Variants in ANO10 observed in about 807,000 individuals in gnomAD.
ANO10 encodes the protein anoctamin-10.
A neutral mutation model predicts 74.7 loss-of-function variants in ANO10; 77 were observed. The ratio of observed to expected loss-of-function variants is 1.03; its 90% CI spans 0.86 to 1.25. ANO10 has a LOEUF of 1.25. ANO10 is among the 50% of genes most tolerant of loss of function. ANO10 has a pLI of 0.00. For synonymous variants in ANO10, 279 were observed against 284.9 expected (o/e 0.98, Z 0.21); for missense variants, 721 against 778.1 (o/e 0.93, Z 0.87).
chr3:43,539,324 G>C lies in ANO10; in HGVS notation c.1797+10396C>G, dbSNP rs561127166. Among the ~76,000 whole-genome samples the C allele has an allele frequency of 1.9e-3, 286 of 151,984 alleles. 1 individual carries two copies. Among genetic ancestry groups the C allele is most frequent in the Non-Finnish European group, 3.6e-3 (245 of 67,974 alleles). On this transcript the variant is annotated intron_variant, in intron 11 of 12. Coordinates refer to ENST00000292246, the MANE Select transcript of ANO10 (RefSeq NM_018075.5). ...GCAAGTCTATTTTCAACTTTCTAAA[G>C]CAACACTTGCTTTCCAACCTAGAAA... is the stretch of plus-strand genomic sequence containing the variant.
intron 1 of ANO10, among the ~76,000 whole-genome samples, chr3:43,653,964 C>G (rs2083817855): frequency 6.7e-6 from 1 of 149,886 alleles, no homozygotes. Flanking sequence ...AGCATCACCT[C>G]CTTTTTCTGG....
chr3:43,428,092 C>T (rs1398145018), intron 12 of ANO10, among the ~76,000 whole-genome samples: 1 of 151,844 alleles, frequency 6.6e-6, no homozygotes, highest in Non-Finnish European at 1.5e-5. Flanking sequence ...CTCTGTCACT[C>T]AGCCTGGAGT....
rs574917165 is a variant in ANO10 at position 43,485,244 on chromosome 3, T to C, written c.1798-52517A>G. On this transcript the variant is annotated intron_variant, in intron 11 of 12. Coordinates refer to ENST00000292246, the MANE Select transcript of ANO10 (RefSeq NM_018075.5). ...GTAGGTGCAGCTCCGGGAGTCATAG[T>C]GAGAGGCAGGACTAGCTGCTGTTTG... 1.9e-5 allele frequency: 12 copies of C among 643,456 alleles called. 1 individual carries two copies. Among genetic ancestry groups the C allele is most frequent in the Non-Finnish European group, 2.8e-5 (10 of 357,594 alleles). The allele number at this position is 643,456 out of a possible 1,614,324, so 39.9% of individuals were successfully genotyped here. A position where few individuals can be genotyped will look rare whatever the true frequency, so the allele number is the denominator to read the frequency against.
intron 5 of ANO10, among the ~76,000 whole-genome samples, chr3:43,579,970 C>A (rs144546493): frequency 6.6e-6 from 1 of 151,804 alleles, no homozygotes; most frequent in African/African-American, 2.4e-5. Context: ...CTGAGCAACA[C>A]GGCAAAACCC....
chr3:43,366,921 C>T lies in ANO10; in HGVS notation c.1968G>A (p.Lys656=). 6.3e-7 allele frequency: 1 copy of T among 1,595,526 alleles called. No individual in the cohort carries two copies. Residue 656 remains lysine, a synonymous_variant, in exon 13 of 13, where the codon AAG becomes AAA. Transcript: ENST00000292246. ...NLKEEPMESG[K]EKAT ...CGCTGGGCACTCAGGTTGCCTTCTC[C>T]TTCCCGCTTTCCATTGGTTCCTCCT...
At chr3:43,407,718 T>A (rs1369062098) in intron 12 of ANO10, among the ~76,000 whole-genome samples, 1 of 152,112 alleles carries the variant, frequency 6.6e-6, no homozygotes, top group Non-Finnish European at 1.5e-5. Flanking sequence ...CTCACCATGG[T>A]GGTGATCCAT....
At chr3:43,450,288 CT>C (rs2074801636) in intron 11 of ANO10, among the ~76,000 whole-genome samples, 2 of 152,134 alleles carry the variant, frequency 1.3e-5, no homozygotes, top group Admixed American at 6.5e-5. Context: ...TGCCTGTAAT[CT>C]CAGCACTTTG....
intron 4 of ANO10, among the ~76,000 whole-genome samples, chr3:43,583,152 C>G (rs1045384128): frequency 1.3e-5 from 2 of 152,110 alleles, no homozygotes; most frequent in Non-Finnish European, 2.9e-5. Context: ...TATAAAGCTG[C>G]AGGTCCTAAA....
chr3:43,472,928 A>T (rs939884518), intron 11 of ANO10, among the ~76,000 whole-genome samples: 5 of 152,188 alleles, frequency 3.3e-5, no homozygotes, highest in Admixed American at 6.5e-5. Flanking sequence ...TATGGTCTGT[A>T]TGTGCATGTA....
intron 12 of ANO10, among the ~76,000 whole-genome samples, chr3:43,386,648 CGTGTGTGTGTGTGTGTGTGTGT>C (rs36065814): frequency 1.2e-4 from 17 of 139,892 alleles, no homozygotes; most frequent in Admixed American, 7.9e-4. Flanking sequence ...TAGGTGTGTA[CGTGTGTGTGTGTGTGTGTGTGT>C]GTGTGTGTGT....
chr3:43,470,596 TTTTA>T (rs61427290), intron 11 of ANO10, among the ~76,000 whole-genome samples: 30,204 of 143,822 alleles, frequency 0.21, 3,442 homozygotes, highest in Middle Eastern at 0.34. Flanking sequence ...CTGGTAATTA[TTTTA>T]TTTATTTATT....
chr3:43,632,715 G>A (rs757719073), intron 1 of ANO10, among the ~76,000 whole-genome samples: 1 of 152,226 alleles, frequency 6.6e-6, no homozygotes, highest in Non-Finnish European at 1.5e-5. Context: ...GCACTACACA[G>A]TTTCTATAAT....
chr3:43,497,528 T>C (rs4682688), intron 11 of ANO10, among the ~76,000 whole-genome samples: 149,310 of 152,216 alleles, frequency 0.98, 73,300 homozygotes, highest in East Asian at 1. Context: ...AAAGGAACTC[T>C]CTTTCAGGCT....
intron 12 of ANO10, among the ~76,000 whole-genome samples, chr3:43,413,132 T>A (rs1323215995): frequency 1.3e-5 from 2 of 152,210 alleles, no homozygotes; most frequent in African/African-American, 4.8e-5. Context: ...CATCCTCTAC[T>A]CTCTCTTCCT....
chr3:43,606,534 C>A (rs1410531538), intron 1 of ANO10, among the ~76,000 whole-genome samples: 3 of 151,488 alleles, frequency 2.0e-5, no homozygotes, highest in Admixed American at 6.6e-5. Flanking sequence ...AGTTAGGGGG[C>A]CATTAAAGGA....
intron 1 of ANO10, among the ~76,000 whole-genome samples, chr3:43,672,075 T>C (rs1477348628): frequency 6.6e-6 from 1 of 152,236 alleles, no homozygotes; most frequent in African/African-American, 2.4e-5. Flanking sequence ...CATCTTCCTG[T>C]TGCATGACTG....
At chr3:43,453,877 A>G (rs927452528) in intron 11 of ANO10, among the ~76,000 whole-genome samples, 1 of 152,160 alleles carries the variant, frequency 6.6e-6, no homozygotes, top group Non-Finnish European at 1.5e-5. Context: ...GCATTCATTC[A>G]TCAAATGCTC....
intron 1 of ANO10, among the ~76,000 whole-genome samples, chr3:43,628,719 C>T (rs974806884): frequency 2.6e-5 from 4 of 152,086 alleles, no homozygotes; most frequent in Non-Finnish European, 5.9e-5. Flanking sequence ...ATGGCCCCCC[C>T]GGGTGTGGCC....
chr3:43,616,299 G>A (rs572639248), intron 1 of ANO10, among the ~76,000 whole-genome samples: 1 of 152,304 alleles, frequency 6.6e-6, no homozygotes, highest in Non-Finnish European at 1.5e-5. Flanking sequence ...CGGTGTGGCA[G>A]AAGCAGAACT....
Sources: gnomAD v4.1 joint callset for allele counts (sites outside exome capture counted in the v4.1 genomes callset) on GRCh38, gnomAD v4.1.1 for gene constraint, MANE v1.5 for transcripts, NCBI Gene and HGNC (gene_info 2026-07-23, HGNC 2026-07-21) for gene names.